Variants in GLUD1 observed in about 807,000 individuals in gnomAD.
The protein encoded by GLUD1 is glutamate dehydrogenase 1, also known as glutamate dehydrogenase 1, mitochondrial.
A neutral mutation model predicts 56.0 loss-of-function variants in GLUD1; 22 were observed. The ratio of observed to expected loss-of-function variants is 0.39; its 90% CI spans 0.28 to 0.56. The LOEUF (loss-of-function observed/expected upper bound fraction) is 0.56, where lower values mean the gene tolerates loss of function less well. Among genes scored for constraint, GLUD1 ranks in the 20% least tolerant of loss-of-function variants. The probability of loss-of-function intolerance (pLI) is 0.58; values close to 1 mark genes in which losing one functional copy is unlikely to be tolerated. For synonymous variants in GLUD1, 223 were observed against 269.9 expected (o/e 0.83, Z 1.70); for missense variants, 451 against 732.0 (o/e 0.62, Z 4.43).
At chr10:87,090,337 A>G (rs990677505) in intron 1 of GLUD1, among the ~76,000 whole-genome samples, 2 of 152,230 alleles carry the variant, frequency 1.3e-5, no homozygotes, top group Admixed American at 6.5e-5. Context: ...TTTAATATAT[A>G]TTGGTGCTTA....
chr10:87,070,689 A>G (rs891246905), intron 4 of GLUD1, among the ~76,000 whole-genome samples: 2 of 152,340 alleles, frequency 1.3e-5, no homozygotes, highest in Non-Finnish European at 1.5e-5. Flanking sequence ...AGAAACACGT[A>G]ATGATAAAAT....
Position 87,060,841 on chromosome 10 carries a change from A to T in GLUD1, c.1060-16T>A, listed in dbSNP as rs1845911801. ...ACCCATGTTGCTGCCATTGATTGAAAATCACAATTAATAGCTGCACCAGAG... is the reference window on the plus strand; with the variant it reads ...ACCCATGTTGCTGCCATTGATTGAATATCACAATTAATAGCTGCACCAGAG... On this transcript the variant is annotated splice_polypyrimidine_tract_variant and intron_variant, in intron 7 of 12. Coordinates refer to ENST00000277865, the MANE Select transcript of GLUD1 (RefSeq NM_005271.5). The T allele has an allele frequency of 6.2e-7, 1 of 1,614,206 alleles. No homozygotes were observed. Among genetic ancestry groups the T allele is most frequent in the African/African-American group, 1.3e-5 (1 of 75,050 alleles).
chr10:87,053,065 GT>G (rs1275408723), intron 12 of GLUD1, among the ~76,000 whole-genome samples: 6 of 152,176 alleles, frequency 3.9e-5, no homozygotes, highest in African/African-American at 1.4e-4. Flanking sequence ...CTACAATCCA[GT>G]TTGGCTAACT....
At chr10:87,070,803 T>A (rs1415119102) in intron 4 of GLUD1, among the ~76,000 whole-genome samples, 1 of 152,126 alleles carries the variant, frequency 6.6e-6, no homozygotes, top group Non-Finnish European at 1.5e-5. Context: ...TTCTACTCCA[T>A]ACAAAACTAA....
At chr10:87,077,501 TGA>T (rs1204693220) in intron 1 of GLUD1, among the ~76,000 whole-genome samples, 1 of 151,184 alleles carries the variant, frequency 6.6e-6, no homozygotes, top group Non-Finnish European at 1.5e-5. Context: ...TTTCTGAGGT[TGA>T]GTGATTCCCT....
intron 1 of GLUD1, among the ~76,000 whole-genome samples, chr10:87,080,441 C>G (rs1397493182): frequency 6.6e-6 from 1 of 151,466 alleles, no homozygotes; most frequent in Non-Finnish European, 1.5e-5. Flanking sequence ...GCTGCCCAGT[C>G]TGGAAAGTGA....
At chr10:87,086,589 C>T (rs1489999074) in intron 1 of GLUD1, among the ~76,000 whole-genome samples, 2 of 151,438 alleles carry the variant, frequency 1.3e-5, no homozygotes, top group African/African-American at 2.4e-5. Context: ...TTTGGGAGGC[C>T]GAGGCGGGCG....
intron 1 of GLUD1, among the ~76,000 whole-genome samples, chr10:87,087,381 G>A (rs1841408125): frequency 6.6e-6 from 1 of 152,042 alleles, no homozygotes; most frequent in Non-Finnish European, 1.5e-5. Context: ...CCATTATGAG[G>A]GCATGACTGA....
chr10:87,094,246 G>T lies in GLUD1; in HGVS notation c.445+79C>A. The T allele has an allele frequency of 1.3e-6, 2 of 1,511,258 alleles. No individual in the cohort carries two copies. Among genetic ancestry groups the T allele is most frequent in the Non-Finnish European group, 1.8e-6 (2 of 1,118,162 alleles). The allele number at this position is 1,511,258 out of a possible 1,614,324, so 93.6% of individuals were successfully genotyped here. On this transcript the variant is annotated intron_variant, in intron 1 of 12. Coordinates refer to ENST00000277865, the MANE Select transcript of GLUD1 (RefSeq NM_005271.5). This position sits in a 1 kb window ranked among gnomAD's most constrained non-coding sequence, Gnocchi z 6.6. Reference sequence around the variant, plus strand: ...CTGGGCTGGGCTGGGCTGAGCAGCGGCCCCGCACCGGCAGGAGGCCGGAGG... The same window carrying T: ...CTGGGCTGGGCTGGGCTGAGCAGCGTCCCCGCACCGGCAGGAGGCCGGAGG...
intron 1 of GLUD1, among the ~76,000 whole-genome samples, chr10:87,091,885 T>C (rs1317675977): frequency 6.6e-6 from 1 of 151,130 alleles, no homozygotes; most frequent in Non-Finnish European, 1.5e-5. Flanking sequence ...AAAGAACCAA[T>C]GGGAGAGAAG....
At chr10:87,060,350 G>T in intron 8 of GLUD1, 109 bp from the exon 9 acceptor site, 1 of 827,618 alleles carries the variant, frequency 1.2e-6, no homozygotes, top group Non-Finnish European at 2.2e-6. Flanking sequence ...GAGAAGCACA[G>T]TTTCAGTTAA....
At position 87,094,291 on chromosome 10, in the gene GLUD1, A is replaced by C. The variant is rs896569800; in HGVS notation, c.445+34T>G. 2 of 1,480,764 alleles carry C rather than the reference A, an allele frequency of 1.4e-6. No individual in the cohort carries two copies. The highest frequency in any genetic ancestry group is 2.0e-5 in the Admixed American group (1 of 50,360). 91.7% of individuals were successfully genotyped at this position (1,480,764 alleles called of 1,614,324 possible). A position where few individuals can be genotyped will look rare whatever the true frequency, so the allele number is the denominator to read the frequency against. On this transcript the variant is annotated intron_variant, in intron 1 of 12. Transcript: ENST00000277865. This position sits in a 1 kb window ranked among gnomAD's most constrained non-coding sequence, Gnocchi z 6.6. ...CGGAGGGGAGGGCCGCAGGGGAGGC[A>C]GGGAGGGCGGGACGGGGCCCGGCCG...
chr10:87,089,812 C>T (rs141631853), intron 1 of GLUD1: 18,626 of 636,582 alleles, frequency 0.029, 339 homozygotes, highest in Non-Finnish European at 0.033. Flanking sequence ...AATATTGATT[C>T]ATTTGAATAA....
chr10:87,077,851 C>A (rs1475159739), intron 1 of GLUD1, among the ~76,000 whole-genome samples: 2 of 151,912 alleles, frequency 1.3e-5, no homozygotes, highest in African/African-American at 4.8e-5. Flanking sequence ...CAGATTCAGC[C>A]CCTCTCGAGG....
At chr10:87,080,003 T>TA (rs1841170273) in intron 1 of GLUD1, among the ~76,000 whole-genome samples, 1 of 147,566 alleles carries the variant, frequency 6.8e-6, no homozygotes, top group Non-Finnish European at 1.5e-5. Flanking sequence ...AGCTGGACTG[T>TA]ACTGCTGCCA....
chr10:87,078,153 A>C (rs1012199776), intron 1 of GLUD1, among the ~76,000 whole-genome samples: 3 of 152,238 alleles, frequency 2.0e-5, no homozygotes, highest in Non-Finnish European at 4.4e-5. Context: ...CTGTACAAAC[A>C]AATCATATTT....
chr10:87,090,352 C>G (rs540817344), intron 1 of GLUD1, among the ~76,000 whole-genome samples: 1 of 152,266 alleles, frequency 6.6e-6, no homozygotes, highest in African/African-American at 2.4e-5. Context: ...TGCTTAGGAT[C>G]CAATTTTTGA....
At chr10:87,080,438 A>G (rs1293193371) in intron 1 of GLUD1, among the ~76,000 whole-genome samples, 1 of 121,538 alleles carries the variant, frequency 8.2e-6, no homozygotes, top group Non-Finnish European at 1.7e-5. Flanking sequence ...CTGGCTGCCC[A>G]GTCTGGAAAG....
At chr10:87,082,015 A>G (rs1299609809) in intron 1 of GLUD1, among the ~76,000 whole-genome samples, 1 of 151,508 alleles carries the variant, frequency 6.6e-6, no homozygotes, top group Admixed American at 6.6e-5. Context: ...CACTTTTTCC[A>G]TTGCTCTTTT....
Sources: allele counts gnomAD v4.1 joint callset (sites outside exome capture counted in the v4.1 genomes callset), GRCh38; gene constraint gnomAD v4.1.1; non-coding constraint Gnocchi (gnomAD v3.1); transcripts MANE v1.5; gene names NCBI Gene and HGNC (gene_info 2026-07-23, HGNC 2026-07-21).